Variants in TSPAN3 observed in about 807,000 individuals in gnomAD.
TSPAN3 encodes the protein tetraspanin-3.
A neutral mutation model predicts 31.1 loss-of-function variants in TSPAN3; 9 were observed. The observed-to-expected ratio is 0.29, with a 90% CI of 0.17 to 0.50. The LOEUF (loss-of-function observed/expected upper bound fraction) is 0.50. Ranked by LOEUF, TSPAN3 falls within the 20% of genes least tolerant of loss-of-function variation. TSPAN3 has a pLI of 0.98. For synonymous variants in TSPAN3, 129 were observed against 114.3 expected, an observed-to-expected ratio of 1.13 and a Z score of -0.82; for missense variants, 252 against 313.5, an observed-to-expected ratio of 0.80 and a Z score of 1.48.
At chr15:77,059,373 C>T (rs1050792140) in intron 1 of TSPAN3, among the ~76,000 whole-genome samples, 5 of 152,198 alleles carry the variant, frequency 3.3e-5, no homozygotes, top group East Asian at 1.9e-4. Flanking sequence ...TGAGCCATTG[C>T]GCCTGGCCAG....
chr15:77,063,869 C>G (rs961341987), intron 1 of TSPAN3: 2 of 152,246 alleles, frequency 1.3e-5, no homozygotes, highest in Non-Finnish European at 2.9e-5. Context: ...ATCTGAGAAG[C>G]CTGAAATTTA....
chr15:77,053,289 A>C (rs2076743777), intron 4 of TSPAN3, among the ~76,000 whole-genome samples: 2 of 151,858 alleles, frequency 1.3e-5, no homozygotes, highest in African/African-American at 2.4e-5. Flanking sequence ...TGAGGTCAAG[A>C]GTTCAAGACC....
At position 77,044,388 on chromosome 15, in the gene TSPAN3, G is replaced by GGCCCTGGCCA. The variant is rs2076677024; in HGVS notation, c.*2437_*2446dup. ...CAGAAACAAGATGTTGAATTTGCAT[G>GGCCCTGGCCA]GCCCTGGCCAACACAGACAACATCC... is the stretch of plus-strand genomic sequence containing the variant. On this transcript the variant is annotated 3_prime_UTR_variant, in exon 7 of 7. Transcript: ENST00000267970. The GGCCCTGGCCA allele has an allele frequency of 1.3e-5, 2 of 152,394 alleles. No individual in the cohort carries two copies. Among genetic ancestry groups the GGCCCTGGCCA allele is most frequent in the South Asian group, 4.1e-4 (2 of 4,828 alleles). The allele number at this position is 152,394 out of a possible 1,614,324, so 9.4% of individuals were successfully genotyped here. A position where few individuals can be genotyped will look rare whatever the true frequency, so the allele number is the denominator to read the frequency against.
At chr15:77,067,309 C>A (rs1047779559) in intron 1 of TSPAN3, among the ~76,000 whole-genome samples, 1 of 152,202 alleles carries the variant, frequency 6.6e-6, no homozygotes, top group Non-Finnish European at 1.5e-5. Flanking sequence ...TCCAAACTAT[C>A]TACACCAAAT....
chr15:77,050,393 TAAGTC>T (rs2152695252), intron 6 of TSPAN3, among the ~76,000 whole-genome samples: 1 of 152,328 alleles, frequency 6.6e-6, no homozygotes, highest in South Asian at 2.1e-4. Flanking sequence ...AGCTTTTACT[TAAGTC>T]AGGGTGACTT....
In TSPAN3 at chr15:77,045,236, C is replaced by G. The variant is rs2076683157; in HGVS notation, c.*1599G>C. ...GAGTCTTCTCTTCTCCCTTCTCTGT[C>G]CCACGTCCAATCAATGATCGAATTC... is the stretch of plus-strand genomic sequence containing the variant. On this transcript the variant is annotated 3_prime_UTR_variant, in exon 7 of 7. Coordinates refer to ENST00000267970, the MANE Select transcript of TSPAN3 (RefSeq NM_005724.6). 1 of 152,412 alleles carries G rather than the reference C, an allele frequency of 6.6e-6. No homozygotes were observed. The highest frequency in any genetic ancestry group is 6.5e-5 in the Admixed American group (1 of 15,272). The allele number at this position is 152,412 out of a possible 1,614,324, so 9.4% of individuals were successfully genotyped here.
In TSPAN3 at chr15:77,055,510, T is replaced by G. The variant is rs1413242781; in HGVS notation, c.330+279A>C. 9 of 285,388 alleles carry G rather than the reference T, an allele frequency of 3.2e-5. No individual in the cohort carries two copies. The East Asian group carries it at 6.0e-4, about 19-fold the overall frequency. The allele number at this position is 285,388 out of a possible 1,614,324, so 17.7% of individuals were successfully genotyped here. A position where few individuals can be genotyped will look rare whatever the true frequency, so the allele number is the denominator to read the frequency against. ...CCTCCCCTCATATAGGCAATCTGTGTGCTGAGGAAATCTGAACAAACTTCT... is the reference window on the plus strand; with the variant it reads ...CCTCCCCTCATATAGGCAATCTGTGGGCTGAGGAAATCTGAACAAACTTCT... On this transcript the variant is annotated intron_variant, in intron 3 of 6. Coordinates refer to ENST00000267970, the MANE Select transcript of TSPAN3 (RefSeq NM_005724.6).
At chr15:77,056,822 T>C (rs943502304) in intron 1 of TSPAN3, among the ~76,000 whole-genome samples, 1 of 152,188 alleles carries the variant, frequency 6.6e-6, no homozygotes, top group African/African-American at 2.4e-5. Context: ...GGCTCAGTCA[T>C]TAAAGAACAC....
chr15:77,061,358 T>C (rs1014080382), intron 1 of TSPAN3, among the ~76,000 whole-genome samples: 7 of 151,946 alleles, frequency 4.6e-5, no homozygotes, highest in Non-Finnish European at 8.8e-5. Flanking sequence ...AGAAACCCCG[T>C]CTCTACTAAA....
chr15:77,056,223 G>A lies in TSPAN3; in HGVS notation c.96C>T (p.Ala32=), dbSNP rs1353143151. 1.9e-6 allele frequency: 3 copies of A among 1,610,874 alleles called. No homozygotes were observed. The highest frequency in any genetic ancestry group is 8.5e-7 in the Non-Finnish European group (1 of 1,179,004). ...AGTCATCATAAGTGATGAAGACATA[G>A]GCTCCCACATAGCATAAAATGCCAG... is the stretch of plus-strand genomic sequence containing the variant. The part of the protein sequence containing the change: ...GAAGILCYVG[A]YVFITYDDYD... Residue 32 remains alanine, a synonymous_variant, in exon 2 of 7, where the codon GCC becomes GCT. Coordinates refer to ENST00000267970, the MANE Select transcript of TSPAN3 (RefSeq NM_005724.6).
Position 77,052,907 on chromosome 15 carries a change from T to C in TSPAN3, c.455A>G (p.Asn152Ser), listed in dbSNP as rs1469579806. The change falls in exon 5 of 7, where the codon AAC becomes AGC. Residue 152 changes from asparagine (N) to serine (S), a missense_variant. By Grantham distance (46) the Asn-to-Ser change is conservative. Coordinates refer to ENST00000267970, the MANE Select transcript of TSPAN3 (RefSeq NM_005724.6). Reference protein sequence around the residue: ...QRQLHCCGIHNYSDWENTDWF... With the variant: ...QRQLHCCGIHSYSDWENTDWF... ...ATCTGTATTTTCCCAGTCTGAGTAGTTGTGAATTCCACAACAATGCAGCTA... is the reference window on the plus strand; with the variant it reads ...ATCTGTATTTTCCCAGTCTGAGTAGCTGTGAATTCCACAACAATGCAGCTA... The C allele has an allele frequency of 5.0e-6, 8 of 1,613,806 alleles. No homozygotes were observed. The highest frequency in any genetic ancestry group is 1.7e-5 in the Admixed American group (1 of 59,976).
rs756782250 is a variant in TSPAN3, at chr15:77,045,698, G to C, written c.*1137C>G. 1 of 152,190 alleles carries C rather than the reference G, an allele frequency of 6.6e-6. No individual in the cohort carries two copies. Among genetic ancestry groups the C allele is most frequent in the Non-Finnish European group, 1.5e-5 (1 of 68,112 alleles). 9.4% of individuals were successfully genotyped at this position (152,190 alleles called of 1,614,324 possible). A position where few individuals can be genotyped will look rare whatever the true frequency, so the allele number is the denominator to read the frequency against. On this transcript the variant is annotated 3_prime_UTR_variant, in exon 7 of 7. Coordinates refer to ENST00000267970, the MANE Select transcript of TSPAN3 (RefSeq NM_005724.6). Reference sequence around the variant, plus strand: ...CCTGACCTCTCCGGAACTCCCCTTTGGACTCCCATTCTATTACTACAACCA... The same window carrying C: ...CCTGACCTCTCCGGAACTCCCCTTTCGACTCCCATTCTATTACTACAACCA...
chr15:77,069,044 A>G (rs2076850635), intron 1 of TSPAN3, among the ~76,000 whole-genome samples: 1 of 152,218 alleles, frequency 6.6e-6, no homozygotes, highest in African/African-American at 2.4e-5. Flanking sequence ...AACGTCATAT[A>G]ATTTCTACAT....
Position 77,052,460 on chromosome 15 carries a change from C to G in TSPAN3, c.594G>C (p.Glu198Asp), listed in dbSNP as rs778576758. ...CTTGTAGCTTCTTCACTACTAGAGC[C>G]TCACACCCCTGTAACAAACACAGTC... ...HPSDLYAEGC[E>D]ALVVKKLQEI... The change falls in exon 6 of 7, where the codon GAG (glutamate) becomes GAC (aspartate). Residue 198 changes from glutamate (E) to aspartate (D), a missense_variant. By Grantham distance (45) the Glu-to-Asp change is conservative (BLOSUM62 2). Coordinates refer to ENST00000267970, the MANE Select transcript of TSPAN3 (RefSeq NM_005724.6). The G allele has an allele frequency of 2.5e-6, 4 of 1,613,874 alleles. No homozygotes were observed. The African/African-American group carries it at 5.3e-5, about 22-fold the overall frequency.
intron 1 of TSPAN3, among the ~76,000 whole-genome samples, chr15:77,070,616 C>A (rs2152698591): frequency 6.6e-6 from 1 of 152,180 alleles, no homozygotes; most frequent in Admixed American, 6.5e-5. Flanking sequence ...GGCACGGAGC[C>A]AGCCCGCGTG....
At chr15:77,066,599 A>AAAAAAAAAAAAAAAC (rs2076835168) in intron 1 of TSPAN3, among the ~76,000 whole-genome samples, 1 of 131,712 alleles carries the variant, frequency 7.6e-6, no homozygotes, top group African/African-American at 2.8e-5. Context: ...AAAAAAAAAA[A>AAAAAAAAAAAAAAAC]AGCCTTTAAA....
At chr15:77,060,219 C>T (rs1278999178) in intron 1 of TSPAN3, among the ~76,000 whole-genome samples, 1 of 152,160 alleles carries the variant, frequency 6.6e-6, no homozygotes, top group Non-Finnish European at 1.5e-5. Context: ...GAAAACTGCA[C>T]GGATTGCTGA....
intron 6 of TSPAN3, among the ~76,000 whole-genome samples, chr15:77,049,478 C>A (rs1432554200): frequency 6.6e-6 from 1 of 152,124 alleles, no homozygotes; most frequent in Non-Finnish European, 1.5e-5. Context: ...CTTGACAAAT[C>A]AAAATCTAGA....
intron 6 of TSPAN3, 56 bp downstream of exon 6, chr15:77,052,329 G>A (rs2076737203): frequency 2.0e-6 from 3 of 1,478,304 alleles, no homozygotes; most frequent in Non-Finnish European, 2.8e-6. Flanking sequence ...ACCATTCAGG[G>A]CTGACAACAG....
Sources: allele counts gnomAD v4.1 joint callset (sites outside exome capture counted in the v4.1 genomes callset), GRCh38; gene constraint gnomAD v4.1.1; transcripts MANE v1.5; gene names NCBI Gene and HGNC (gene_info 2026-07-23, HGNC 2026-07-21).